The following PRKG2 variants were observed in gnomAD, a reference collection of about 807,000 sequenced individuals.
PRKG2 encodes the protein protein kinase cGMP-dependent 2, also known as cGMP-dependent protein kinase 2.
PRKG2 carries 33 observed loss-of-function variants against 97.2 expected under a neutral mutation model. The observed-to-expected ratio is 0.34, with a 90% CI of 0.26 to 0.45. The LOEUF is 0.45. PRKG2 is among the 20% of genes least tolerant of loss of function. The pLI, the probability that PRKG2 is intolerant of heterozygous loss-of-function variation, is 1.00. For synonymous variants in PRKG2, 330 were observed against 321.8 expected, an observed-to-expected ratio of 1.03 and a Z score of -0.27; for missense variants, 638 against 900.0, an observed-to-expected ratio of 0.71 and a Z score of 3.73.
At chr4:81,216,072 T>A (rs937461572), upstream of PRKG2, among the ~76,000 whole-genome samples, 2 of 152,030 alleles carry the variant, frequency 1.3e-5, no homozygotes, top group African/African-American at 4.8e-5. Flanking sequence ...AGATGGAAAG[T>A]ATAGTGAGGG....
rs879571062 is a variant in PRKG2 at position 81,098,320 on chromosome 4, G to GGGTTAAT, written c.2127-5869_2127-5868insATTAACC. ...CTATTGTGGGACCTTGTGATCGTGT[G>GGGTTAAT]AGTTAATAAACTCCCTTTTATATAT... On this transcript the variant is annotated intron_variant, in intron 17 of 18. Transcript: ENST00000264399. Among the ~76,000 whole-genome samples the GGGTTAAT allele has an allele frequency of 7.0e-5, 7 of 99,768 alleles. No individual in the cohort carries two copies. The African/African-American group carries it at 7.3e-4, about 10-fold the overall frequency. 65.5% of individuals were successfully genotyped at this position (99,768 alleles called of 152,430 possible). A position where few individuals can be genotyped will look rare whatever the true frequency, so the allele number is the denominator to read the frequency against.
chr4:81,094,059 G>A (rs1383871767), intron 17 of PRKG2, among the ~76,000 whole-genome samples: 1 of 152,130 alleles, frequency 6.6e-6, no homozygotes, highest in Non-Finnish European at 1.5e-5. Flanking sequence ...TAAAATATCT[G>A]CAAGGTGCAG....
chr4:81,116,669 C>T, intron 14 of PRKG2, among the ~76,000 whole-genome samples: 1 of 152,078 alleles, frequency 6.6e-6, no homozygotes, highest in Non-Finnish European at 1.5e-5. Flanking sequence ...CTCTGCAACC[C>T]TGCCAGTATG....
intron 10 of PRKG2, 23 bp downstream of exon 10, chr4:81,144,209 C>A: frequency 6.4e-7 from 1 of 1,573,790 alleles, no homozygotes; most frequent in South Asian, 1.1e-5. Context: ...AGCTCCGGCT[C>A]AGGAAAACAT....
intron 14 of PRKG2, among the ~76,000 whole-genome samples, chr4:81,116,426 T>C (rs1339937725): frequency 1.3e-5 from 2 of 152,102 alleles, no homozygotes; most frequent in Non-Finnish European, 2.9e-5. Context: ...TTCTTTACTG[T>C]TGTTGGGGAT....
At chr4:81,130,358 G>A (rs1246801929) in intron 14 of PRKG2, among the ~76,000 whole-genome samples, 1 of 152,106 alleles carries the variant, frequency 6.6e-6, no homozygotes, top group Non-Finnish European at 1.5e-5. Flanking sequence ...TCCTTCCTCT[G>A]GAAGCTTCAT....
intron 2 of PRKG2, among the ~76,000 whole-genome samples, chr4:81,198,754 T>C (rs1443535): frequency 0.39 from 60,101 of 152,178 alleles, 17,848 homozygotes; most frequent in African/African-American, 0.82. Context: ...TCTGAGGCCT[T>C]CATGAGTTAA....
intron 6 of PRKG2, among the ~76,000 whole-genome samples, chr4:81,155,311 G>C (rs535292280): frequency 2.0e-5 from 3 of 151,710 alleles, no homozygotes; most frequent in South Asian, 2.1e-4. Context: ...GATGCGATCA[G>C]CTGGAAGAAA....
intron 2 of PRKG2, among the ~76,000 whole-genome samples, chr4:81,194,518 T>C (rs570694874): frequency 1.3e-5 from 2 of 152,316 alleles, no homozygotes; most frequent in African/African-American, 2.4e-5. Context: ...CTCTCAATTC[T>C]TTTACTTATT....
At chr4:81,187,204 A>T (rs1159973195) in intron 2 of PRKG2, among the ~76,000 whole-genome samples, 1 of 152,240 alleles carries the variant, frequency 6.6e-6, no homozygotes. Flanking sequence ...ATCCCCAATG[A>T]ACATTGATGC....
At chr4:81,185,423 AT>A (rs1751789979) in intron 2 of PRKG2, among the ~76,000 whole-genome samples, 2 of 152,216 alleles carry the variant, frequency 1.3e-5, no homozygotes, top group South Asian at 4.1e-4. Context: ...AAACAAGCAA[AT>A]GCTGAGAGAT....
chr4:81,123,317 T>C (rs568757584), intron 14 of PRKG2, among the ~76,000 whole-genome samples: 1 of 152,332 alleles, frequency 6.6e-6, no homozygotes, highest in Non-Finnish European at 1.5e-5. Flanking sequence ...CATTTATCTC[T>C]AGGAATTCCA....
intron 2 of PRKG2, among the ~76,000 whole-genome samples, chr4:81,191,756 T>C (rs999244634): frequency 6.6e-6 from 1 of 152,026 alleles, no homozygotes. Flanking sequence ...TTGTTAATTA[T>C]CAAGGAAAAG....
chr4:81,162,725 T>C (rs982810971), intron 6 of PRKG2, among the ~76,000 whole-genome samples: 6 of 152,180 alleles, frequency 3.9e-5, no homozygotes, highest in Admixed American at 3.3e-4. Flanking sequence ...GAGATGACTA[T>C]GACCCTTATA....
chr4:81,161,557 T>C (rs1053750856), intron 6 of PRKG2, among the ~76,000 whole-genome samples: 1 of 152,054 alleles, frequency 6.6e-6, no homozygotes, highest in Non-Finnish European at 1.5e-5. Flanking sequence ...CAGGGGAAAA[T>C]TCATTTTCAA....
In PRKG2 at chr4:81,190,365, G is replaced by C. The variant is rs150654707; in HGVS notation, c.461+14222C>G. Among the ~76,000 whole-genome samples the C allele has an allele frequency of 2.7e-3, 412 of 152,274 alleles. 1 individual carries two copies. The highest frequency in any genetic ancestry group is 0.02 in the South Asian group (94 of 4,820). The stretch of plus-strand genomic sequence containing the variant: ...GAAAGGATTCCCTACTTAATAAATG[G>C]TGTTGGGAAAACTGGCTAGCCATAT... On this transcript the variant is annotated intron_variant, in intron 2 of 18. Transcript: ENST00000264399.
At chr4:81,210,376 G>GA (rs1266459751) in intron 1 of PRKG2, among the ~76,000 whole-genome samples, 1 of 152,046 alleles carries the variant, frequency 6.6e-6, no homozygotes, top group Non-Finnish European at 1.5e-5. Flanking sequence ...CAACCCAACT[G>GA]AAAAATGGGC....
At chr4:81,183,660 A>C (rs1416654167) in intron 2 of PRKG2, among the ~76,000 whole-genome samples, 2 of 151,742 alleles carry the variant, frequency 1.3e-5, no homozygotes, top group African/African-American at 4.8e-5. Context: ...CACTCCCCTG[A>C]AAAGGGGGCT....
chr4:81,161,016 G>A (rs898893876), intron 6 of PRKG2, among the ~76,000 whole-genome samples: 1 of 152,030 alleles, frequency 6.6e-6, no homozygotes, highest in African/African-American at 2.4e-5. Flanking sequence ...CCACATAATT[G>A]CTCTCTCTTG....
Sources: gnomAD v4.1 joint callset for allele counts (sites outside exome capture counted in the v4.1 genomes callset) on GRCh38, gnomAD v4.1.1 for gene constraint, MANE v1.5 for transcripts, NCBI Gene and HGNC (gene_info 2026-07-23, HGNC 2026-07-21) for gene names.